Variants in GRM7 observed in about 807,000 individuals in gnomAD.
GRM7 encodes the protein metabotropic glutamate receptor 7.
GRM7 carries 35 observed loss-of-function variants against 84.5 expected under a neutral mutation model. The observed-to-expected ratio is 0.41, with a 90% confidence interval of 0.32 to 0.55. The LOEUF (loss-of-function observed/expected upper bound fraction) is 0.55, where lower values mean the gene tolerates loss of function less well. Among genes scored for constraint, GRM7 ranks in the 20% least tolerant of loss-of-function variants. GRM7 has a pLI of 0.19. For synonymous variants in GRM7, 487 were observed against 455.1 expected (o/e 1.07, Z -0.89); for missense variants, 1,003 against 1,194.6 (o/e 0.84, Z 2.36).
chr3:7,104,100 T>C (rs1182360581), intron 1 of GRM7, among the ~76,000 whole-genome samples: 1 of 151,614 alleles, frequency 6.6e-6, no homozygotes, highest in Non-Finnish European at 1.5e-5. Context: ...AGTCGTCTTA[T>C]GATGGGATTA....
At chr3:7,452,558 T>TTGTGTGTGTGTGTGTG (rs111752136) in intron 5 of GRM7, 49 bp from the exon 6 acceptor site, 1 of 881,534 alleles carries the variant, frequency 1.1e-6, no homozygotes. Context: ...CAATGCCAAT[T>TTGTGTGTGTGTGTGTG]TGTGTGTGTG....
intron 2 of GRM7, among the ~76,000 whole-genome samples, chr3:7,227,486 C>T (rs992590125): frequency 1.3e-4 from 20 of 152,112 alleles, no homozygotes; most frequent in African/African-American, 3.4e-4. Context: ...CCTATTGTAT[C>T]GCATGCCTAC....
chr3:7,416,917 T>A (rs1696184341), intron 5 of GRM7, among the ~76,000 whole-genome samples: 1 of 152,058 alleles, frequency 6.6e-6, no homozygotes, highest in South Asian at 2.1e-4. Context: ...TTGAAGACAG[T>A]TTTCCTGGGT....
intron 1 of GRM7, among the ~76,000 whole-genome samples, chr3:7,146,075 A>G (rs1015782557): frequency 2.0e-5 from 3 of 151,934 alleles, no homozygotes; most frequent in Non-Finnish European, 2.9e-5. Flanking sequence ...CTTTATATAC[A>G]CTCCAGCCAG....
chr3:7,557,771 C>A (rs1232270985), intron 7 of GRM7, among the ~76,000 whole-genome samples: 2 of 152,090 alleles, frequency 1.3e-5, no homozygotes, highest in Admixed American at 6.6e-5. Flanking sequence ...AAAATAAATT[C>A]TGAATGGAGG....
intron 1 of GRM7, among the ~76,000 whole-genome samples, chr3:6,920,274 G>A (rs1575015220): frequency 6.6e-6 from 1 of 152,054 alleles, no homozygotes; most frequent in African/African-American, 2.4e-5. Flanking sequence ...TGATTGATGG[G>A]CCAGGCACAG....
intron 7 of GRM7, among the ~76,000 whole-genome samples, chr3:7,470,819 A>G (rs1698671478): frequency 6.6e-6 from 1 of 151,494 alleles, no homozygotes; most frequent in South Asian, 2.1e-4. Flanking sequence ...GAAAAGAAAG[A>G]AAGTCAACTA....
chr3:6,945,997 C>T (rs144765788), intron 1 of GRM7, among the ~76,000 whole-genome samples: 5 of 152,160 alleles, frequency 3.3e-5, no homozygotes, highest in African/African-American at 4.8e-5. Flanking sequence ...AATTTTCTCC[C>T]GTTTTGTAGG....
intron 9 of GRM7, among the ~76,000 whole-genome samples, chr3:7,734,098 C>G (rs576914812): frequency 6.6e-6 from 1 of 152,200 alleles, no homozygotes; most frequent in Non-Finnish European, 1.5e-5. Flanking sequence ...CACATTTTCT[C>G]TAAGGTTATC....
chr3:7,718,750 C>T (rs985363230), intron 9 of GRM7, among the ~76,000 whole-genome samples: 2 of 152,178 alleles, frequency 1.3e-5, no homozygotes, highest in African/African-American at 4.8e-5. Flanking sequence ...GACATATTGG[C>T]CTCCAGGTCT....
rs931808649 is a variant in GRM7, at chr3:6,865,221, C to T, written c.519+3314C>T. On this transcript the variant is annotated intron_variant, in intron 1 of 9. Coordinates refer to ENST00000357716, the MANE Select transcript of GRM7 (RefSeq NM_000844.4). ...TCTCCTAATGCTAAGAAAGATTAAA[C>T]GTAAATTAATATTGACTATAAGTAA... 5.3e-5 allele frequency among the ~76,000 whole-genome samples: 8 copies of T among 152,124 alleles called. No homozygotes were observed. In the East Asian group the frequency reaches 1.2e-3, roughly 22 times the overall value.
chr3:6,889,965 G>T (rs1367656507), intron 1 of GRM7, among the ~76,000 whole-genome samples: 1 of 152,170 alleles, frequency 6.6e-6, no homozygotes, highest in African/African-American at 2.4e-5. Flanking sequence ...TCTTGGGAGG[G>T]TGTACGTGTC....
At chr3:7,172,510 C>T (rs1016973030) in intron 2 of GRM7, among the ~76,000 whole-genome samples, 4 of 151,894 alleles carry the variant, frequency 2.6e-5, no homozygotes, top group African/African-American at 4.8e-5. Context: ...CTCACCAACC[C>T]CAGGACATCC....
intron 1 of GRM7, among the ~76,000 whole-genome samples, chr3:7,047,135 T>A (rs1186594205): frequency 6.7e-6 from 1 of 150,302 alleles, no homozygotes; most frequent in African/African-American, 2.5e-5. Flanking sequence ...CACTACCTGT[T>A]TTTTTTTTAA....
intron 2 of GRM7, among the ~76,000 whole-genome samples, chr3:7,240,850 T>C (rs1467704564): frequency 6.6e-6 from 1 of 152,230 alleles, no homozygotes; most frequent in African/African-American, 2.4e-5. Context: ...TAATATTGTA[T>C]TTTTACTGTA....
At chr3:6,914,138 C>T (rs1216156425) in intron 1 of GRM7, among the ~76,000 whole-genome samples, 1 of 152,130 alleles carries the variant, frequency 6.6e-6, no homozygotes, top group South Asian at 2.1e-4. Context: ...ACTGAATCCT[C>T]CTTTGCCTTC....
chr3:6,961,069 C>T (rs369956132), intron 1 of GRM7, among the ~76,000 whole-genome samples: 35 of 152,036 alleles, frequency 2.3e-4, no homozygotes, highest in African/African-American at 7.3e-4. Context: ...GCCCAAAATC[C>T]CAGTCTCTCT....
At chr3:7,546,009 G>T (rs957593188) in intron 7 of GRM7, among the ~76,000 whole-genome samples, 2 of 152,144 alleles carry the variant, frequency 1.3e-5, no homozygotes, top group African/African-American at 4.8e-5. Context: ...ATTACTTAGT[G>T]TAGTGCCTGG....
intron 2 of GRM7, among the ~76,000 whole-genome samples, chr3:7,200,577 C>A (rs1696032130): frequency 6.6e-6 from 1 of 152,148 alleles, no homozygotes; most frequent in South Asian, 2.1e-4. Flanking sequence ...CAGTAGTTGT[C>A]AAGCTTTAGC....
Sources: allele counts gnomAD v4.1 joint callset (sites outside exome capture counted in the v4.1 genomes callset), GRCh38; gene constraint gnomAD v4.1.1; transcripts MANE v1.5; gene names NCBI Gene and HGNC (gene_info 2026-07-23, HGNC 2026-07-21).